Variants in SPTA1 observed in about 807,000 individuals in gnomAD.
SPTA1 encodes the protein spectrin alpha, erythrocytic 1.
In SPTA1, 177 loss-of-function variants were observed where a neutral mutation model predicts 324.7. The ratio of observed to expected loss-of-function variants is 0.55; its 90% CI spans 0.48 to 0.62. SPTA1 has a LOEUF of 0.62. SPTA1 is among the 20% of genes least tolerant of loss of function. The pLI, the probability that SPTA1 is intolerant of heterozygous loss-of-function variation, is 0.00. For synonymous variants in SPTA1, 1,195 were observed against 1,041.3 expected, an observed-to-expected ratio of 1.15 and a Z score of -2.84; for missense variants, 3,162 against 2,883.6, an observed-to-expected ratio of 1.10 and a Z score of -2.21.
chr1:158,652,666 T>A lies in SPTA1; in HGVS notation c.3189-13A>T, dbSNP rs776423390. On this transcript the variant is annotated splice_polypyrimidine_tract_variant and intron_variant, in intron 22 of 51. Coordinates refer to ENST00000643759, the MANE Select transcript of SPTA1 (RefSeq NM_003126.4). Reference sequence around the variant, plus strand: ...GAGGGAGCGGTATCTGGATGGAGAATTGGGAAAAGTGGAATAAAAGAAGGA... The same window carrying A: ...GAGGGAGCGGTATCTGGATGGAGAAATGGGAAAAGTGGAATAAAAGAAGGA... 6 of 1,613,796 alleles carry A rather than the reference T, an allele frequency of 3.7e-6. No individual in the cohort carries two copies. In the East Asian group the frequency reaches 1.1e-4, roughly 30 times the overall value.
intron 43 of SPTA1, 57 bp downstream of exon 43, chr1:158,622,926 T>G (rs77651270): frequency 0.03 from 43,489 of 1,458,442 alleles, 749 homozygotes; most frequent in Non-Finnish European, 0.035. Context: ...GTTTCCGAAT[T>G]TCATGGCTAA....
intron 27 of SPTA1, among the ~76,000 whole-genome samples, chr1:158,646,639 T>C (rs1652017819): frequency 6.6e-6 from 1 of 152,150 alleles, no homozygotes; most frequent in South Asian, 2.1e-4. Context: ...TACAGCTTCA[T>C]AAAGGGAAGG....
intron 8 of SPTA1, among the ~76,000 whole-genome samples, 157 bp downstream of exon 8, chr1:158,675,984 G>A (rs1231497187): frequency 1.3e-5 from 2 of 152,144 alleles, no homozygotes; most frequent in African/African-American, 4.8e-5. Context: ...CAGTCACAAA[G>A]GACTTCCTTT....
At chr1:158,626,305 CACA>C (rs1650262347) in intron 41 of SPTA1, 83 bp from the exon 42 acceptor site, 1 of 1,285,022 alleles carries the variant, frequency 7.8e-7, no homozygotes, top group African/African-American at 1.5e-5. Flanking sequence ...ATTTACAACA[CACA>C]ACAAGAAAGC....
chr1:158,613,773 C>A lies in SPTA1; in HGVS notation c.6937G>T (p.Asp2313Tyr), dbSNP rs1307185698. 6.2e-7 allele frequency: 1 copy of A among 1,613,892 alleles called. No individual in the cohort carries two copies. Among genetic ancestry groups the A allele is most frequent in the South Asian group, 1.1e-5 (1 of 91,074 alleles). Residue 2313 changes from aspartate to tyrosine, a missense_variant, in exon 50 of 52, where the codon GAT (aspartate) becomes TAT (tyrosine). Physicochemically the swap from Asp to Tyr is radical, Grantham distance 160. Transcript: ENST00000643759. ...LNYYLPMVEEDEHEPKFEKFL... is the reference protein window; with the variant it reads ...LNYYLPMVEEYEHEPKFEKFL... Reference sequence around the variant, plus strand: ...TTCTCAAACTTGGGCTCATGTTCATCCTCCTCCACCATGGGCAAGTAGTAA... The same window carrying A: ...TTCTCAAACTTGGGCTCATGTTCATACTCCTCCACCATGGGCAAGTAGTAA...
In SPTA1 at chr1:158,611,146, CACA is replaced by C; in HGVS notation, c.*115_*117del. 1 of 1,224,614 alleles carries C rather than the reference CACA, an allele frequency of 8.2e-7. No individual in the cohort carries two copies. The highest frequency in any genetic ancestry group is 1.2e-6 in the Non-Finnish European group (1 of 841,230). 75.9% of individuals were successfully genotyped at this position (1,224,614 alleles called of 1,614,324 possible). On this transcript the variant is annotated 3_prime_UTR_variant, in exon 52 of 52. Transcript: ENST00000643759. ...ACAAACACAAGCACACACACACACA[CACA>C]CACACACACACACACACGAGGCCAT...
At chr1:158,662,054 C>T (rs539478904) in intron 17 of SPTA1, among the ~76,000 whole-genome samples, 13 of 152,284 alleles carry the variant, frequency 8.5e-5, no homozygotes, top group South Asian at 4.1e-4. Flanking sequence ...TACTACTTCC[C>T]ATTCAAAATA....
chr1:158,612,850 G>A lies in SPTA1; in HGVS notation c.7101C>T (p.Gly2367=), dbSNP rs562524034. The change falls in exon 51 of 52, where the codon GGC becomes GGT. Residue 2367 remains glycine (G), a synonymous_variant. Coordinates refer to ENST00000643759, the MANE Select transcript of SPTA1 (RefSeq NM_003126.4). ...TGTCTTCTTTGGTAATATATGACTT[G>A]CCCTCTGCCAGGGCTTGGAAGGCAT... is the stretch of plus-strand genomic sequence containing the variant. ...IENAFQALAE[G]KSYITKEDMK... is the part of the protein sequence containing the mutation. 6.2e-7 allele frequency: 1 copy of A among 1,613,918 alleles called. No homozygotes were observed. The highest frequency in any genetic ancestry group is 1.1e-5 in the South Asian group (1 of 91,082).
intron 48 of SPTA1, chr1:158,614,768 T>C (rs1482665641): frequency 1.1e-5 from 2 of 187,984 alleles, no homozygotes; most frequent in Non-Finnish European, 2.2e-5. Context: ...GATAAAAATG[T>C]TGCCAAAATG....
At chr1:158,670,049 T>C (rs10489839) in intron 12 of SPTA1, among the ~76,000 whole-genome samples, 9,849 of 152,270 alleles carry the variant, frequency 0.065, 1,071 homozygotes, top group African/African-American at 0.22. Context: ...TGCTATGAGA[T>C]GATTGATTTA....
intron 24 of SPTA1, among the ~76,000 whole-genome samples, chr1:158,650,700 T>G (rs946198314): frequency 6.6e-6 from 1 of 152,228 alleles, no homozygotes; most frequent in African/African-American, 2.4e-5. Flanking sequence ...TGTGTGACAG[T>G]GAAAGAGAGG....
chr1:158,643,466 T>C (rs1460301587), intron 30 of SPTA1, 41 bp from the exon 31 acceptor site: 2 of 1,592,636 alleles, frequency 1.3e-6, no homozygotes, highest in African/African-American at 1.3e-5. Context: ...GCTTGGAGAT[T>C]AGGCTCTTGG....
intron 17 of SPTA1, among the ~76,000 whole-genome samples, chr1:158,661,816 T>A (rs956416617): frequency 2.0e-5 from 3 of 152,238 alleles, no homozygotes; most frequent in African/African-American, 2.4e-5. Flanking sequence ...GCCCAAGTTT[T>A]CTCATCATGA....
chr1:158,666,427 C>A lies in SPTA1; in HGVS notation c.2109G>T (p.Leu703=), dbSNP rs1159528200. The A allele has an allele frequency of 1.2e-6, 2 of 1,613,546 alleles. No homozygotes were observed. Among genetic ancestry groups the A allele is most frequent in the South Asian group, 2.2e-5 (2 of 91,066 alleles). The change falls in exon 16 of 52, where the codon CTG becomes CTT. Residue 703 remains leucine, a synonymous_variant. Coordinates refer to ENST00000643759, the MANE Select transcript of SPTA1 (RefSeq NM_003126.4). ...AGGTGACTTGCCACTCAACATCCTCCAGCCAGCGCTGCAAATCTTCTGCAT... is the reference window on the plus strand; with the variant it reads ...AGGTGACTTGCCACTCAACATCCTCAAGCCAGCGCTGCAAATCTTCTGCAT... The part of the protein sequence containing the change: ...ENNAEDLQRW[L]EDVEWQVTSE...
intron 48 of SPTA1, 84 bp downstream of exon 48, chr1:158,615,132 G>A: frequency 4.0e-6 from 6 of 1,499,714 alleles, no homozygotes; most frequent in Non-Finnish European, 4.6e-6. Context: ...TTTATCTGGT[G>A]CACCAAACTC....
At chr1:158,681,736 G>A in intron 3 of SPTA1, 69 bp from the exon 4 acceptor site, 1 of 1,601,048 alleles carries the variant, frequency 6.2e-7, no homozygotes, top group Non-Finnish European at 8.5e-7. Context: ...AGAGACTTGT[G>A]CAGAAAGAGA....
chr1:158,624,669 G>T lies in SPTA1; in HGVS notation c.5910+1477C>A, dbSNP rs2101773584. Reference sequence around the variant, plus strand: ...AACTTGGCATAATGGGTAACTGTCAGCCAGGATTTGAGGGGCTATAATAAG... The same window carrying T: ...AACTTGGCATAATGGGTAACTGTCATCCAGGATTTGAGGGGCTATAATAAG... On this transcript the variant is annotated intron_variant, in intron 42 of 51. Coordinates refer to ENST00000643759, the MANE Select transcript of SPTA1 (RefSeq NM_003126.4). Among the ~76,000 whole-genome samples the T allele has an allele frequency of 1.3e-5, 2 of 152,300 alleles. 1 individual carries two copies. The highest frequency in any genetic ancestry group is 6.8e-3 in the Middle Eastern group (2 of 294).
At chr1:158,676,349 G>A in intron 7 of SPTA1, 54 bp from the exon 8 acceptor site, 1 of 1,599,542 alleles carries the variant, frequency 6.3e-7, no homozygotes, top group Non-Finnish European at 8.5e-7. Context: ...GACTCCCCCT[G>A]GCAAAGCTTT....
intron 33 of SPTA1, among the ~76,000 whole-genome samples, 169 bp downstream of exon 33, chr1:158,642,242 T>C (rs1651648514): frequency 6.6e-6 from 1 of 151,850 alleles, no homozygotes; most frequent in Non-Finnish European, 1.5e-5. Context: ...CACACCAACA[T>C]GGCACATGTA....
Sources: gnomAD v4.1 joint callset for allele counts (sites outside exome capture counted in the v4.1 genomes callset) on GRCh38, gnomAD v4.1.1 for gene constraint, MANE v1.5 for transcripts, NCBI Gene and HGNC (gene_info 2026-07-23, HGNC 2026-07-21) for gene names.